Variants in RFX7 observed in about 807,000 individuals in gnomAD.
RFX7 encodes regulatory factor X7.
RFX7 carries 26 observed loss-of-function variants against 111.8 expected under a neutral mutation model. The observed-to-expected ratio is 0.23, with a 90% CI of 0.17 to 0.32. RFX7 has a LOEUF of 0.32. Ranked by LOEUF, RFX7 falls within the 10% of genes least tolerant of loss-of-function variation. The probability of loss-of-function intolerance (pLI) is 1.00; values close to 1 mark genes in which losing one functional copy is unlikely to be tolerated. For missense variants in RFX7, 1,573 were observed against 1,772.9 expected (o/e 0.89, Z 2.02); for synonymous variants, 624 against 624.4 (o/e 1.00, Z 0.01).
intron 2 of RFX7, among the ~76,000 whole-genome samples, chr15:56,224,877 T>G (rs1249776137): frequency 1.3e-5 from 2 of 152,134 alleles, no homozygotes; most frequent in Non-Finnish European, 2.9e-5. Context: ...TGTTGATAAC[T>G]GTTAGGGGTT....
At chr15:56,187,022 A>G (rs1379072252) in intron 2 of RFX7, among the ~76,000 whole-genome samples, 2 of 152,162 alleles carry the variant, frequency 1.3e-5, no homozygotes, top group Non-Finnish European at 2.9e-5. Context: ...GAGTGTTTCA[A>G]TTAAAATAAT....
In RFX7 at chr15:56,102,155, G is replaced by C. The variant is rs2140527236; in HGVS notation, c.603+14C>G. 1 of 1,580,530 alleles carries C rather than the reference G, an allele frequency of 6.3e-7. No individual in the cohort carries two copies. Among genetic ancestry groups the C allele is most frequent in the East Asian group, 2.2e-5 (1 of 44,630 alleles). On this transcript the variant is annotated intron_variant, in intron 7 of 9. Transcript: ENST00000559447. Reference sequence around the variant, plus strand: ...ACAATTTTACTTATTAAAAAGAAAAGGCTGAATTCTTACCCCATCTCCAGT... The same window carrying C: ...ACAATTTTACTTATTAAAAAGAAAACGCTGAATTCTTACCCCATCTCCAGT...
chr15:56,133,034 A>T (rs2042239687), intron 5 of RFX7, among the ~76,000 whole-genome samples: 1 of 152,128 alleles, frequency 6.6e-6, no homozygotes, highest in Admixed American at 6.5e-5. Flanking sequence ...CCAGATGGTT[A>T]TTTTCAGATA....
Position 56,236,347 on chromosome 15 carries a change from A to T in RFX7, c.161+6778T>A, listed in dbSNP as rs996505437. Among the ~76,000 whole-genome samples, 74 of 152,144 alleles carry T rather than the reference A, an allele frequency of 4.9e-4. 1 individual carries two copies. Among genetic ancestry groups the T allele is most frequent in the Non-Finnish European group, 1.5e-4 (10 of 68,010 alleles). On this transcript the variant is annotated intron_variant, in intron 2 of 9. Coordinates refer to ENST00000559447, the MANE Select transcript of RFX7 (RefSeq NM_022841.7). ...TAAGTGCATTAAGGCCTTAGTGTTT[A>T]TTGTTCCTTATTTTATTATCCTACC...
intron 5 of RFX7, among the ~76,000 whole-genome samples, chr15:56,104,059 A>G (rs764652188): frequency 6.6e-6 from 1 of 152,308 alleles, no homozygotes; most frequent in South Asian, 2.1e-4. Flanking sequence ...CATGCACATC[A>G]GACAGAGATA....
intron 5 of RFX7, among the ~76,000 whole-genome samples, chr15:56,134,277 C>A (rs2042259601): frequency 6.6e-6 from 1 of 152,122 alleles, no homozygotes; most frequent in African/African-American, 2.4e-5. Context: ...CCTACAAGGT[C>A]TGTTACAACA....
intron 5 of RFX7, among the ~76,000 whole-genome samples, chr15:56,140,362 G>A (rs1595958948): frequency 6.6e-6 from 1 of 152,324 alleles, no homozygotes; most frequent in Non-Finnish European, 1.5e-5. Context: ...GTATTCGGGT[G>A]GGAGTGACCC....
chr15:56,233,195 G>A (rs1393988637), intron 2 of RFX7, among the ~76,000 whole-genome samples: 1 of 152,160 alleles, frequency 6.6e-6, no homozygotes, highest in Non-Finnish European at 1.5e-5. Context: ...TGGATGGGGA[G>A]GCCTCATAAT....
intron 5 of RFX7, among the ~76,000 whole-genome samples, chr15:56,136,277 C>G (rs1249886495): frequency 7.2e-6 from 1 of 138,400 alleles, no homozygotes; most frequent in African/African-American, 2.7e-5. Flanking sequence ...TTGTTTGTAT[C>G]CTCTTTTATT....
chr15:56,164,400 C>G (rs1388921793), intron 3 of RFX7, among the ~76,000 whole-genome samples: 1 of 152,176 alleles, frequency 6.6e-6, no homozygotes, highest in East Asian at 1.9e-4. Flanking sequence ...TCTGAGCAAT[C>G]ATATGTTTTA....
intron 5 of RFX7, among the ~76,000 whole-genome samples, chr15:56,133,243 T>C (rs2042242230): frequency 1.3e-5 from 2 of 152,118 alleles, no homozygotes; most frequent in South Asian, 4.1e-4. Context: ...TAAACTGTTT[T>C]TGCATACTGA....
chr15:56,124,194 A>C (rs1290534784), intron 5 of RFX7, among the ~76,000 whole-genome samples: 1 of 152,110 alleles, frequency 6.6e-6, no homozygotes, highest in Non-Finnish European at 1.5e-5. Context: ...AGGCCGAGGC[A>C]GGCGGATCAC....
rs1285417889 is a variant in RFX7 at position 56,089,620 on chromosome 15, T to C, written c.*3725A>G. 1 of 152,158 alleles carries C rather than the reference T, an allele frequency of 6.6e-6. No individual in the cohort carries two copies. The highest frequency in any genetic ancestry group is 1.5e-5 in the Non-Finnish European group (1 of 68,042). 9.4% of individuals were successfully genotyped at this position (152,158 alleles called of 1,614,324 possible). A position where few individuals can be genotyped will look rare whatever the true frequency, so the allele number is the denominator to read the frequency against. On this transcript the variant is annotated 3_prime_UTR_variant, in exon 10 of 10. Transcript: ENST00000559447. ...TCTGACATTTTACCCTTCCATGTCA[T>C]TGAGCACTGAGGATCCTAACATACT...
At chr15:56,116,121 G>C (rs2042006297) in intron 5 of RFX7, among the ~76,000 whole-genome samples, 1 of 152,044 alleles carries the variant, frequency 6.6e-6, no homozygotes, top group African/African-American at 2.4e-5. Flanking sequence ...ACTACACTTA[G>C]TTATTCAATA....
At chr15:56,225,186 G>GT (rs2043468736) in intron 2 of RFX7, among the ~76,000 whole-genome samples, 1 of 152,070 alleles carries the variant, frequency 6.6e-6, no homozygotes, top group African/African-American at 2.4e-5. Context: ...TAATTGTTTT[G>GT]TTTTTTAATC....
intron 2 of RFX7, among the ~76,000 whole-genome samples, chr15:56,228,611 C>G (rs1190088648): frequency 6.6e-6 from 1 of 152,062 alleles, no homozygotes; most frequent in Non-Finnish European, 1.5e-5. Flanking sequence ...TACACAATTA[C>G]TGACACTAAA....
chr15:56,236,424 C>A (rs1316933864), intron 2 of RFX7, among the ~76,000 whole-genome samples: 4 of 151,948 alleles, frequency 2.6e-5, no homozygotes, highest in Non-Finnish European at 4.4e-5. Context: ...ATCTTTAACT[C>A]GAACTTAGAA....
intron 8 of RFX7, 134 bp downstream of exon 8, chr15:56,101,225 G>C: frequency 1.4e-6 from 1 of 691,906 alleles, no homozygotes; most frequent in Non-Finnish European, 2.5e-6. Context: ...TGAATTTAGT[G>C]TTAAGCGGAG....
At chr15:56,212,284 T>C (rs1051513510) in intron 2 of RFX7, among the ~76,000 whole-genome samples, 1 of 152,078 alleles carries the variant, frequency 6.6e-6, no homozygotes, top group Non-Finnish European at 1.5e-5. Context: ...ATTACAACTA[T>C]TGACATGCAG....
Sources: gnomAD v4.1 joint callset for allele counts (sites outside exome capture counted in the v4.1 genomes callset) on GRCh38, gnomAD v4.1.1 for gene constraint, MANE v1.5 for transcripts, NCBI Gene and HGNC (gene_info 2026-07-23, HGNC 2026-07-21) for gene names.